The following SGK3 variants were observed in gnomAD, a reference collection of about 807,000 sequenced individuals.
SGK3 encodes serum/glucocorticoid regulated kinase family member 3, also known as serine/threonine-protein kinase Sgk3.
A neutral mutation model predicts 68.5 loss-of-function variants in SGK3; 47 were observed. The ratio of observed to expected loss-of-function variants is 0.69; its 90% CI spans 0.54 to 0.87. The LOEUF (loss-of-function observed/expected upper bound fraction) is 0.87. Ranked by LOEUF, SGK3 falls within the 40% of genes least tolerant of loss-of-function variation. The pLI, the probability that SGK3 is intolerant of heterozygous loss-of-function variation, is 0.00. For missense variants in SGK3, 479 were observed against 575.5 expected (o/e 0.83, Z 1.72); for synonymous variants, 181 against 189.1 (o/e 0.96, Z 0.35).
chr8:66,763,802 A>G (rs936921714), intron 1 of SGK3, among the ~76,000 whole-genome samples: 1 of 152,032 alleles, frequency 6.6e-6, no homozygotes, highest in Non-Finnish European at 1.5e-5. Context: ...TTTCTCCTAC[A>G]TCAGAATTCC....
chr8:66,716,048 G>A (rs530846335), intron 1 of SGK3, among the ~76,000 whole-genome samples: 4 of 152,220 alleles, frequency 2.6e-5, no homozygotes, highest in African/African-American at 7.2e-5. Context: ...GTAAATTACT[G>A]ACTAAACTGC....
chr8:66,840,395 G>A, intron 12 of SGK3, 148 bp downstream of exon 12: 1 of 845,306 alleles, frequency 1.2e-6, no homozygotes, highest in Non-Finnish European at 1.8e-6. Context: ...ATGGAGAACA[G>A]ATTAGTGGTT....
intron 1 of SGK3, among the ~76,000 whole-genome samples, chr8:66,726,955 T>G (rs922470764): frequency 2.0e-5 from 3 of 152,312 alleles, no homozygotes; most frequent in Middle Eastern, 3.4e-3. Context: ...TAACAAGTAC[T>G]GTTGTCATAT....
At chr8:66,723,691 A>G (rs1210568873) in intron 1 of SGK3, among the ~76,000 whole-genome samples, 2 of 151,842 alleles carry the variant, frequency 1.3e-5, no homozygotes, top group Non-Finnish European at 2.9e-5. Flanking sequence ...GTGTACCCAC[A>G]TCCTTAGCCA....
intron 1 of SGK3, among the ~76,000 whole-genome samples, chr8:66,777,443 C>T (rs529059394): frequency 6.6e-5 from 10 of 152,244 alleles, no homozygotes; most frequent in Non-Finnish European, 1.0e-4. Context: ...TAATTATTTA[C>T]GCCAATTCAC....
intron 1 of SGK3, among the ~76,000 whole-genome samples, chr8:66,713,908 A>G (rs7839824): frequency 0.025 from 3,743 of 152,220 alleles, 148 homozygotes; most frequent in African/African-American, 0.084. Flanking sequence ...AAGACAAGCC[A>G]CCACCCCAGC....
In SGK3 at chr8:66,795,421, A is replaced by G. The variant is rs543441881; in HGVS notation, c.96+1589A>G. On this transcript the variant is annotated intron_variant, in intron 2 of 16. Transcript: ENST00000521198. Reference sequence around the variant, plus strand: ...ATAAGCAAATTTTTAGCAGTATCACATTGAAGGTAAACAAAGGTTGATATA... The same window carrying G: ...ATAAGCAAATTTTTAGCAGTATCACGTTGAAGGTAAACAAAGGTTGATATA... Among the ~76,000 whole-genome samples the G allele has an allele frequency of 1.5e-3, 233 of 152,358 alleles. 1 individual carries two copies. The highest frequency in any genetic ancestry group is 4.9e-3 in the African/African-American group (205 of 41,588).
At chr8:66,769,864 C>T (rs1806452057) in intron 1 of SGK3, among the ~76,000 whole-genome samples, 1 of 152,132 alleles carries the variant, frequency 6.6e-6, no homozygotes, top group African/African-American at 2.4e-5. Context: ...CCACCAAGAC[C>T]TGCCTACATT....
intron 16 of SGK3, among the ~76,000 whole-genome samples, chr8:66,856,024 T>G (rs1264182471): frequency 1.3e-5 from 2 of 152,132 alleles, no homozygotes; most frequent in African/African-American, 4.8e-5. Flanking sequence ...GAACTAGAAT[T>G]TGAACTCTAA....
intron 1 of SGK3, among the ~76,000 whole-genome samples, chr8:66,759,729 C>T (rs1453561770): frequency 4.6e-5 from 7 of 152,042 alleles, no homozygotes; most frequent in African/African-American, 1.7e-4. Flanking sequence ...GTGGTGTGAT[C>T]TCAGCTCACT....
At chr8:66,761,179 C>T (rs1806154253) in intron 1 of SGK3, among the ~76,000 whole-genome samples, 1 of 152,130 alleles carries the variant, frequency 6.6e-6, no homozygotes, top group Non-Finnish European at 1.5e-5. Flanking sequence ...CATCATAGCT[C>T]ACTATAACTT....
At chr8:66,833,747 G>C (rs549926048) in intron 8 of SGK3, among the ~76,000 whole-genome samples, 1 of 152,102 alleles carries the variant, frequency 6.6e-6, no homozygotes, top group Non-Finnish European at 1.5e-5. Flanking sequence ...GCTGGAGTGC[G>C]GTGGCGCAAT....
At chr8:66,740,346 G>A (rs556027463) in intron 1 of SGK3, among the ~76,000 whole-genome samples, 18 of 152,042 alleles carry the variant, frequency 1.2e-4, no homozygotes, top group Admixed American at 9.2e-4. Flanking sequence ...ATTTTATATG[G>A]TTTCTTTCTC....
rs141982130 is a variant in SGK3 at position 66,819,560 on chromosome 8, C to T, written c.330-2812C>T. ...AAGTGATTGTTTACAAAGTTTTTAA[C>T]AAGATGGGGAAATGTTTATTATGTA... On this transcript the variant is annotated intron_variant, in intron 5 of 16. Coordinates refer to ENST00000521198, the MANE Select transcript of SGK3 (RefSeq NM_001033578.3). 8.3e-3 allele frequency among the ~76,000 whole-genome samples: 1,257 copies of T among 152,058 alleles called. 18 individuals carry two copies. The highest frequency in any genetic ancestry group is 0.029 in the African/African-American group (1,199 of 41,488).
intron 1 of SGK3, among the ~76,000 whole-genome samples, chr8:66,757,484 G>T (rs929648796): frequency 6.6e-6 from 1 of 151,838 alleles, no homozygotes; most frequent in African/African-American, 2.4e-5. Context: ...GTATGGGCCA[G>T]TGTTTCTCAA....
chr8:66,767,954 C>G (rs1262184864), intron 1 of SGK3: 7 of 912,778 alleles, frequency 7.7e-6, no homozygotes, highest in Non-Finnish European at 1.3e-5. Flanking sequence ...TTTGTAGCCA[C>G]AAGGATGCCT....
At chr8:66,857,799 A>ATGTGTGTGTGTGTGTGTG (rs111758415) in intron 16 of SGK3, among the ~76,000 whole-genome samples, 3 of 133,714 alleles carry the variant, frequency 2.2e-5, no homozygotes, top group African/African-American at 5.5e-5. Context: ...GTGTGTGTGT[A>ATGTGTGTGTGTGTGTGTG]TGTGTGTGTG....
chr8:66,716,788 C>T (rs953184285), intron 1 of SGK3, among the ~76,000 whole-genome samples: 5 of 152,164 alleles, frequency 3.3e-5, no homozygotes, highest in African/African-American at 1.2e-4. Context: ...GAACTAGAAA[C>T]ATCTCTTGGC....
chr8:66,746,309 G>C (rs753494662), intron 1 of SGK3, among the ~76,000 whole-genome samples: 23 of 152,056 alleles, frequency 1.5e-4, no homozygotes, highest in Non-Finnish European at 3.1e-4. Flanking sequence ...TTTCCCTCTT[G>C]TTTTGAGGGG....
Sources: allele counts gnomAD v4.1 joint callset (sites outside exome capture counted in the v4.1 genomes callset), GRCh38; gene constraint gnomAD v4.1.1; transcripts MANE v1.5; gene names NCBI Gene and HGNC (gene_info 2026-07-23, HGNC 2026-07-21).